WWC1: variants seen among roughly 807,000 people sequenced by gnomAD.
WWC1 encodes WW and C2 domain containing 1, also known as protein KIBRA.
Under a neutral mutation model 138.4 loss-of-function variants are expected in WWC1, and 55 were observed. The ratio of observed to expected loss-of-function variants is 0.40; its 90% CI spans 0.32 to 0.50. The LOEUF is 0.50. Among genes scored for constraint, WWC1 ranks in the 20% least tolerant of loss-of-function variants. The probability of loss-of-function intolerance (pLI) is 0.72; values close to 1 mark genes in which losing one functional copy is unlikely to be tolerated. For synonymous variants in WWC1, 524 were observed against 564.9 expected (o/e 0.93, Z 1.03); for missense variants, 1,226 against 1,420.4 (o/e 0.86, Z 2.20).
At chr5:168,407,154 A>G (rs1484266760) in intron 6 of WWC1, among the ~76,000 whole-genome samples, 3 of 152,132 alleles carry the variant, frequency 2.0e-5, no homozygotes, top group Non-Finnish European at 4.4e-5. Flanking sequence ...AACCTCTGAC[A>G]TCAAAATGTA....
chr5:168,332,559 C>T (rs1773120559), intron 1 of WWC1, among the ~76,000 whole-genome samples: 1 of 152,124 alleles, frequency 6.6e-6, no homozygotes, highest in Admixed American at 6.5e-5. Context: ...AGTGTACCTG[C>T]TGATATGTCT....
At chr5:168,457,924 A>C (rs957013761) in intron 19 of WWC1, among the ~76,000 whole-genome samples, 1 of 152,162 alleles carries the variant, frequency 6.6e-6, no homozygotes. Context: ...TCAAGAGACA[A>C]TAGTAATAGA....
chr5:168,362,114 G>A (rs567133716), intron 1 of WWC1, among the ~76,000 whole-genome samples: 1 of 151,178 alleles, frequency 6.6e-6, no homozygotes, highest in African/African-American at 2.4e-5. Flanking sequence ...AATGAAAAAC[G>A]AATCACTCAC....
At chr5:168,294,097 C>T (rs1769307020) in intron 1 of WWC1, among the ~76,000 whole-genome samples, 1 of 152,084 alleles carries the variant, frequency 6.6e-6, no homozygotes. Context: ...GGGAAAGGAC[C>T]GCCCCTGCCA....
rs537396154 is a variant in WWC1, at chr5:168,471,706, C to T, written c.*2689C>T. Reference sequence around the variant, plus strand: ...GAACCATTCCTTAGCATTTTCCACTCAAAGGTTAGAGATGAGATTTTCTCT... The same window carrying T: ...GAACCATTCCTTAGCATTTTCCACTTAAAGGTTAGAGATGAGATTTTCTCT... On this transcript the variant is annotated 3_prime_UTR_variant, in exon 23 of 23. Transcript: ENST00000265293. 6.6e-6 allele frequency: 1 copy of T among 152,398 alleles called. No individual in the cohort carries two copies. Among genetic ancestry groups the T allele is most frequent in the Non-Finnish European group, 1.5e-5 (1 of 68,078 alleles). The allele number at this position is 152,398 out of a possible 1,614,324, so 9.4% of individuals were successfully genotyped here.
At chr5:168,379,198 A>G (rs1335485715) in intron 2 of WWC1, among the ~76,000 whole-genome samples, 3 of 152,166 alleles carry the variant, frequency 2.0e-5, no homozygotes, top group Admixed American at 6.6e-5. Flanking sequence ...TGAATTATTA[A>G]GCTATATCTA....
intron 1 of WWC1, among the ~76,000 whole-genome samples, chr5:168,294,838 C>G (rs1209083809): frequency 2.6e-5 from 4 of 152,138 alleles, no homozygotes; most frequent in Non-Finnish European, 5.9e-5. Context: ...GTTGCCCAGG[C>G]TAGTCTTGAA....
chr5:168,312,198 C>T (rs1340065214), intron 1 of WWC1, among the ~76,000 whole-genome samples: 5 of 149,572 alleles, frequency 3.3e-5, no homozygotes, highest in African/African-American at 4.9e-5. Flanking sequence ...GCCTGGGTGA[C>T]AGAACGAGAC....
intron 1 of WWC1, among the ~76,000 whole-genome samples, chr5:168,315,354 G>C (rs1270544647): frequency 2.0e-5 from 3 of 151,928 alleles, no homozygotes; most frequent in Non-Finnish European, 2.9e-5. Context: ...ATGCTACCCA[G>C]ATGATTCTAA....
At chr5:168,446,912 G>A (rs952039446) in intron 17 of WWC1, among the ~76,000 whole-genome samples, 3 of 152,226 alleles carry the variant, frequency 2.0e-5, no homozygotes, top group African/African-American at 7.2e-5. Flanking sequence ...CATTTGGAAG[G>A]AAAAATAAGT....
chr5:168,428,235 C>A (rs1435659939), intron 12 of WWC1, 94 bp downstream of exon 12: 3 of 1,295,854 alleles, frequency 2.3e-6, no homozygotes, highest in East Asian at 2.6e-5. Flanking sequence ...TAGGTTTTGG[C>A]CCCCACAGTG....
chr5:168,453,229 GA>G (rs34768415), intron 17 of WWC1, among the ~76,000 whole-genome samples: 2,881 of 146,116 alleles, frequency 0.02, 74 homozygotes, highest in African/African-American at 0.069. Flanking sequence ...GATTCAAAAG[GA>G]AAAAAAAAAA....
chr5:168,301,722 C>T (rs1478219377), intron 1 of WWC1, among the ~76,000 whole-genome samples: 2 of 152,156 alleles, frequency 1.3e-5, no homozygotes, highest in African/African-American at 4.8e-5. Context: ...CTACCTACCC[C>T]TGAGAGTCAT....
intron 1 of WWC1, among the ~76,000 whole-genome samples, chr5:168,299,050 A>T (rs1769820356): frequency 6.6e-6 from 1 of 152,104 alleles, no homozygotes; most frequent in African/African-American, 2.4e-5. Flanking sequence ...GCGCCTCTGC[A>T]CTCTAGCCTG....
chr5:168,342,382 C>G (rs1774107037), intron 1 of WWC1, among the ~76,000 whole-genome samples: 3 of 152,094 alleles, frequency 2.0e-5, no homozygotes, highest in Admixed American at 2.0e-4. Context: ...TTGGCTGGAT[C>G]CAAGTGGCAG....
chr5:168,338,633 G>A (rs373090472), intron 1 of WWC1, among the ~76,000 whole-genome samples: 7 of 151,942 alleles, frequency 4.6e-5, no homozygotes, highest in Admixed American at 3.3e-4. Context: ...GGCTGGTCTC[G>A]AACTCCCGGC....
intron 1 of WWC1, among the ~76,000 whole-genome samples, chr5:168,342,639 C>A (rs759314427): frequency 6.6e-6 from 1 of 151,994 alleles, no homozygotes; most frequent in African/African-American, 2.4e-5. Flanking sequence ...CTCACTAAGA[C>A]ATTGAGGTGG....
At chr5:168,347,556 G>C (rs1195804325) in intron 1 of WWC1, among the ~76,000 whole-genome samples, 1 of 152,240 alleles carries the variant, frequency 6.6e-6, no homozygotes, top group Non-Finnish European at 1.5e-5. Flanking sequence ...TGCTAAAGCA[G>C]AACTGAAACC....
rs781216626 is a variant in WWC1, at chr5:168,430,241, C to G, written c.2087+18C>G. Reference sequence around the variant, plus strand: ...CAGAAAGTGTGAGTATGTAGCTGGACAGGTGTATTTCATACCCTAACCCTC... The same window carrying G: ...CAGAAAGTGTGAGTATGTAGCTGGAGAGGTGTATTTCATACCCTAACCCTC... On this transcript the variant is annotated intron_variant, in intron 14 of 22. Transcript: ENST00000265293. The G allele has an allele frequency of 1.2e-6, 2 of 1,606,832 alleles. No homozygotes were observed. Among genetic ancestry groups the G allele is most frequent in the Non-Finnish European group, 1.7e-6 (2 of 1,175,082 alleles).
Sources: allele counts gnomAD v4.1 joint callset (sites outside exome capture counted in the v4.1 genomes callset), GRCh38; gene constraint gnomAD v4.1.1; transcripts MANE v1.5; gene names NCBI Gene and HGNC (gene_info 2026-07-23, HGNC 2026-07-21).